LYZL4: variants seen among roughly 807,000 people sequenced by gnomAD.
LYZL4 encodes lysozyme-like protein 4.
A neutral mutation model predicts 17.6 loss-of-function variants in LYZL4; 13 were observed. That is an observed-to-expected ratio of 0.74 (90% CI 0.48 to 1.18). The LOEUF (loss-of-function observed/expected upper bound fraction) is 1.18. Among genes scored for constraint, LYZL4 ranks in the 50% most tolerant of loss-of-function variants. The probability of loss-of-function intolerance (pLI) is 0.00; values close to 1 mark genes in which losing one functional copy is unlikely to be tolerated. For synonymous variants in LYZL4, 64 were observed against 67.7 expected (o/e 0.95, Z 0.27); for missense variants, 174 against 188.2 (o/e 0.92, Z 0.44).
chr3:42,392,896 G>A (rs115676327), downstream of LYZL4, among the ~76,000 whole-genome samples: 282 of 152,300 alleles, frequency 1.9e-3, 3 homozygotes, highest in African/African-American at 6.4e-3. Flanking sequence ...CTGATAGGCT[G>A]AAGTGAAGTG....
At chr3:42,386,881 C>T in the LYZL4 span, among the ~76,000 whole-genome samples, 3 of 152,076 alleles carry the variant, frequency 2.0e-5, no homozygotes, top group Non-Finnish European at 4.4e-5. Context: ...TAGAAGTAAC[C>T]AAGTTGGCCA....
Position 42,397,715 on chromosome 3 carries a change from T to A in LYZL4, c.372-381A>T, listed in dbSNP as rs112258141. Among the ~76,000 whole-genome samples the A allele has an allele frequency of 5.4e-3, 821 of 152,182 alleles. 8 individuals are homozygous for A. Among genetic ancestry groups the A allele is most frequent in the African/African-American group, 0.019 (790 of 41,518 alleles). ...GACTTTCCCAGAGTCACATGATGAGTCTTTGGCAGACCCTAGGCCTGCAAA... is the reference window on the plus strand; with the variant it reads ...GACTTTCCCAGAGTCACATGATGAGACTTTGGCAGACCCTAGGCCTGCAAA... On this transcript the variant is annotated intron_variant, in intron 4 of 4. Coordinates refer to ENST00000287748, the MANE Select transcript of LYZL4 (RefSeq NM_144634.4).
chr3:42,397,945 C>T (rs1698583862), intron 4 of LYZL4, among the ~76,000 whole-genome samples: 1 of 152,164 alleles, frequency 6.6e-6, no homozygotes, highest in African/African-American at 2.4e-5. Context: ...GTTCTCCAGT[C>T]CCTACCTGCA....
the LYZL4 span, among the ~76,000 whole-genome samples, chr3:42,381,074 C>T: frequency 6.6e-6 from 1 of 152,210 alleles, no homozygotes; most frequent in Non-Finnish European, 1.5e-5. Context: ...CCAATACTGG[C>T]TAGTGCCAAG....
downstream of LYZL4, chr3:42,396,928 G>C (rs1218354636): frequency 1.7e-5 from 3 of 177,030 alleles, no homozygotes; most frequent in Non-Finnish European, 3.6e-5. Context: ...TCCTTTTCCT[G>C]TTTAGTATTG....
chr3:42,388,261 C>T, the LYZL4 span, among the ~76,000 whole-genome samples: 1 of 152,198 alleles, frequency 6.6e-6, no homozygotes, highest in Non-Finnish European at 1.5e-5. Flanking sequence ...TTTCTGGAGT[C>T]CCCAGTCCAA....
chr3:42,363,067 T>C, the LYZL4 span, among the ~76,000 whole-genome samples: 1 of 152,170 alleles, frequency 6.6e-6, no homozygotes, highest in Non-Finnish European at 1.5e-5. Context: ...TCAAGTGAAC[T>C]GTGAAGAAGC....
chr3:42,397,374 G>T, intron 4 of LYZL4, 40 bp from the exon 5 acceptor site: 1 of 1,408,182 alleles, frequency 7.1e-7, no homozygotes, highest in South Asian at 1.2e-5. Flanking sequence ...CTCAAAGTCA[G>T]AACTCAGGGT....
At chr3:42,372,738 T>G in the LYZL4 span, among the ~76,000 whole-genome samples, 1 of 152,230 alleles carries the variant, frequency 6.6e-6, no homozygotes, top group Non-Finnish European at 1.5e-5. Context: ...CTTAATGGGC[T>G]TAAGAAGCCT....
intron 3 of LYZL4, among the ~76,000 whole-genome samples, chr3:42,406,326 C>A (rs1026156353): frequency 6.6e-6 from 1 of 151,498 alleles, no homozygotes; most frequent in Non-Finnish European, 1.5e-5. Context: ...TAGTGGCGGG[C>A]GCCTGTAGTC....
the LYZL4 span, among the ~76,000 whole-genome samples, chr3:42,367,894 TAA>T: frequency 2.0e-5 from 3 of 152,122 alleles, no homozygotes; most frequent in African/African-American, 4.8e-5. Flanking sequence ...AGGAAAAAAA[TAA>T]AAGTCACCTA....
At chr3:42,403,291 A>G (rs1348577268) in intron 4 of LYZL4, among the ~76,000 whole-genome samples, 3 of 151,126 alleles carry the variant, frequency 2.0e-5, no homozygotes, top group African/African-American at 7.3e-5. Flanking sequence ...ATGGAGTCTC[A>G]CTCTTTTGCC....
intron 1 of LYZL4, among the ~76,000 whole-genome samples, chr3:42,407,820 C>T (rs1396481438): frequency 5.9e-5 from 9 of 152,046 alleles, no homozygotes; most frequent in Admixed American, 5.9e-4. Context: ...TTGTCCTTTA[C>T]ACAGTCTTGT....
the LYZL4 span, among the ~76,000 whole-genome samples, chr3:42,373,076 T>A: frequency 9.9e-5 from 15 of 152,048 alleles, no homozygotes; most frequent in Non-Finnish European, 1.9e-4. Context: ...CAGGGCATGG[T>A]GGCGAGTGCC....
downstream of LYZL4, among the ~76,000 whole-genome samples, chr3:42,396,755 A>C (rs1698555309): frequency 6.6e-6 from 1 of 152,228 alleles, no homozygotes; most frequent in Non-Finnish European, 1.5e-5. Flanking sequence ...TTTATAAGAA[A>C]TGAGCAACTG....
intron 3 of LYZL4, 135 bp downstream of exon 3, chr3:42,406,711 A>T: frequency 9.3e-7 from 1 of 1,078,928 alleles, no homozygotes; most frequent in Non-Finnish European, 1.3e-6. Flanking sequence ...CCTCCCAGGG[A>T]CCCACCCTGG....
intron 4 of LYZL4, among the ~76,000 whole-genome samples, chr3:42,402,651 G>T (rs1394957784): frequency 2.0e-5 from 3 of 152,202 alleles, no homozygotes; most frequent in African/African-American, 7.2e-5. Flanking sequence ...CAACTGAAAT[G>T]CATAATTTCT....
At chr3:42,362,657 C>T in the LYZL4 span, among the ~76,000 whole-genome samples, 5 of 152,168 alleles carry the variant, frequency 3.3e-5, no homozygotes, top group African/African-American at 1.2e-4. Context: ...GGGCTCCACC[C>T]TCACGACCTA....
chr3:42,364,264 G>A, the LYZL4 span, among the ~76,000 whole-genome samples: 1 of 152,090 alleles, frequency 6.6e-6, no homozygotes, highest in Admixed American at 6.5e-5. Flanking sequence ...CCTCAGCAAT[G>A]GGGTGTCCTA....
Sources: allele counts gnomAD v4.1 joint callset (sites outside exome capture counted in the v4.1 genomes callset), GRCh38; gene constraint gnomAD v4.1.1; transcripts MANE v1.5; gene names NCBI Gene and HGNC (gene_info 2026-07-23, HGNC 2026-07-21).